The following CFAP70 variants were observed in gnomAD, a reference collection of about 807,000 sequenced individuals.
CFAP70 encodes the protein cilia- and flagella-associated protein 70.
In CFAP70, 81 loss-of-function variants were observed where a neutral mutation model predicts 137.6. The observed-to-expected ratio is 0.59, with a 90% CI of 0.49 to 0.71. CFAP70 has a LOEUF of 0.71. Among genes scored for constraint, CFAP70 ranks in the 30% least tolerant of loss-of-function variants. CFAP70 has a pLI of 0.00. For missense variants in CFAP70, 976 were observed against 1,226.7 expected, an observed-to-expected ratio of 0.80 and a Z score of 3.05; for synonymous variants, 382 against 423.6, an observed-to-expected ratio of 0.90 and a Z score of 1.20.
At chr10:73,343,212 A>G (rs1224526013) in intron 5 of CFAP70, among the ~76,000 whole-genome samples, 1 of 149,538 alleles carries the variant, frequency 6.7e-6, no homozygotes, top group Non-Finnish European at 1.5e-5. Flanking sequence ...TCCGTCTCAA[A>G]AAAAAAAAAA....
At position 73,322,971 on chromosome 10, in the gene CFAP70, G is replaced by A. The variant is rs140368528; in HGVS notation, c.904C>T (p.His302Tyr). 132 of 1,600,272 alleles carry A rather than the reference G, an allele frequency of 8.2e-5. No homozygotes were observed. The highest frequency in any genetic ancestry group is 3.3e-4 in the Middle Eastern group (2 of 5,976). The change falls in exon 9 of 27, where the codon CAT becomes TAT. Residue 302 changes from histidine to tyrosine, a missense_variant. His to Tyr is a moderately conservative substitution (Grantham distance 83). Coordinates refer to ENST00000310715, the Ensembl canonical transcript of CFAP70. ...ATGCAATTTTTTCTTACCTTTTCAT[G>A]GACTACACTGTCTAGGTAAGGGTAA...
At chr10:73,337,353 G>A (rs989750183) in intron 6 of CFAP70, among the ~76,000 whole-genome samples, 6 of 152,038 alleles carry the variant, frequency 3.9e-5, no homozygotes, top group African/African-American at 7.2e-5. Flanking sequence ...GCATGGTGGC[G>A]TGTGCCTGTA....
chr10:73,359,089 A>G (rs1412824466), upstream of CFAP70, among the ~76,000 whole-genome samples: 1 of 152,230 alleles, frequency 6.6e-6, no homozygotes, highest in Non-Finnish European at 1.5e-5. Flanking sequence ...CATCATTTAA[A>G]TATTTCTCCG....
At chr10:73,309,782 G>A (rs549357354) in intron 12 of CFAP70, among the ~76,000 whole-genome samples, 3 of 151,596 alleles carry the variant, frequency 2.0e-5, no homozygotes, top group Non-Finnish European at 2.9e-5. Context: ...TCAGCCTCCC[G>A]AGTAGCTGAG....
rs151164740 is a variant in CFAP70 at position 73,258,158 on chromosome 10, C to T, written c.3028-1742G>A. On this transcript the variant is annotated intron_variant, in intron 25 of 26. Coordinates refer to ENST00000310715, the Ensembl canonical transcript of CFAP70. ...ACTTAAAAGTGGTTATGCCAATTTA[C>T]ATCCAATTACAATTATGAGAGTCTT... 4.1e-3 allele frequency among the ~76,000 whole-genome samples: 622 copies of T among 152,312 alleles called. 4 individuals are homozygous for T. The highest frequency in any genetic ancestry group is 5.7e-3 in the Non-Finnish European group (391 of 68,036).
intron 23 of CFAP70, among the ~76,000 whole-genome samples, chr10:73,273,732 A>G (rs753516825): frequency 6.6e-6 from 1 of 152,224 alleles, no homozygotes; most frequent in Non-Finnish European, 1.5e-5. Flanking sequence ...ATCATACAGC[A>G]TCGTAATTTC....
At chr10:73,330,992 T>G (rs931689940) in intron 8 of CFAP70, among the ~76,000 whole-genome samples, 185 bp downstream of exon 9, 1 of 152,156 alleles carries the variant, frequency 6.6e-6, no homozygotes, top group Non-Finnish European at 1.5e-5. Flanking sequence ...GACAGAGGAT[T>G]TTCCTGGGAC....
Position 73,275,277 on chromosome 10 carries a change from C to G in CFAP70, c.2673+169G>C. ...TACAGTTGTGAGCCACCGCGCCCAG[C>G]CAACTCATGATTACTTAAGAAAAGC... On this transcript the variant is annotated intron_variant, in intron 22 of 26. Transcript: ENST00000310715. This position sits in a 1 kb window ranked among gnomAD's most constrained non-coding sequence, Gnocchi z 4.0. 1.6e-6 allele frequency: 1 copy of G among 628,980 alleles called. No individual in the cohort carries two copies. The allele number at this position is 628,980 out of a possible 1,614,324, so 39.0% of individuals were successfully genotyped here. A position where few individuals can be genotyped will look rare whatever the true frequency, so the allele number is the denominator to read the frequency against.
At chr10:73,353,332 G>A (rs1033478927) in intron 3 of CFAP70, among the ~76,000 whole-genome samples, 2 of 152,162 alleles carry the variant, frequency 1.3e-5, no homozygotes, top group Admixed American at 6.5e-5. Context: ...TTGGAGTACT[G>A]CCTTCTCCCT....
intron 19 of CFAP70, among the ~76,000 whole-genome samples, chr10:73,283,251 G>A (rs2047396049): frequency 6.6e-6 from 1 of 152,124 alleles, no homozygotes; most frequent in Non-Finnish European, 1.5e-5. Context: ...CAGTTTTATT[G>A]CCTAGGATAT....
At chr10:73,340,693 G>C (rs1010069135) in intron 6 of CFAP70, among the ~76,000 whole-genome samples, 27 of 152,340 alleles carry the variant, frequency 1.8e-4, no homozygotes, top group Middle Eastern at 3.4e-3. Flanking sequence ...GGGGGATCAA[G>C]GTGGCAGGGG....
upstream of CFAP70, chr10:73,358,896 C>G (rs2054887312): frequency 6.6e-6 from 1 of 152,268 alleles, no homozygotes; most frequent in Non-Finnish European, 1.5e-5. Context: ...GCAGCCTCCT[C>G]ACTTCGAGAG....
At chr10:73,324,142 C>T (rs2132228083) in intron 8 of CFAP70, among the ~76,000 whole-genome samples, 1 of 152,298 alleles carries the variant, frequency 6.6e-6, no homozygotes, top group Middle Eastern at 3.4e-3. Context: ...ACAAAACTTC[C>T]AGAGGAACGA....
chr10:73,279,474 A>C (rs759371393), intron 19 of CFAP70, among the ~76,000 whole-genome samples: 2 of 151,720 alleles, frequency 1.3e-5, no homozygotes, highest in Non-Finnish European at 2.9e-5. Context: ...CAGTGAGCCC[A>C]GATGGTGCCA....
intron 8 of CFAP70, among the ~76,000 whole-genome samples, chr10:73,324,530 A>C (rs1371192900): frequency 1.3e-5 from 2 of 152,208 alleles, no homozygotes; most frequent in Non-Finnish European, 2.9e-5. Flanking sequence ...AGACGATCAA[A>C]CTACTCCGAG....
chr10:73,322,895 A>T (rs549690001), intron 9 of CFAP70, 68 bp downstream of exon 10: 1 of 1,389,468 alleles, frequency 7.2e-7, no homozygotes, highest in Non-Finnish European at 9.7e-7. Context: ...TGTATATGCT[A>T]AAGATGTAAG....
At chr10:73,270,245 G>A (rs1361442716) in intron 24 of CFAP70, among the ~76,000 whole-genome samples, 4 of 152,076 alleles carry the variant, frequency 2.6e-5, no homozygotes, top group Non-Finnish European at 4.4e-5. Flanking sequence ...AATCAATGCA[G>A]TATTCAGAAA....
At chr10:73,312,036 T>C (rs1251585774) in intron 10 of CFAP70, 122 bp from the exon 12 acceptor site, 6 of 762,594 alleles carry the variant, frequency 7.9e-6, no homozygotes, top group Non-Finnish European at 1.3e-5. Flanking sequence ...AAGAATGAGT[T>C]TGTGTCCTTT....
At chr10:73,298,330 T>A (rs1052522401) in intron 14 of CFAP70, among the ~76,000 whole-genome samples, 1 of 152,228 alleles carries the variant, frequency 6.6e-6, no homozygotes, top group African/African-American at 2.4e-5. Flanking sequence ...CCATTATTAT[T>A]CAAGAAATGA....
Sources: gnomAD v4.1 joint callset for allele counts (sites outside exome capture counted in the v4.1 genomes callset) on GRCh38, gnomAD v4.1.1 for gene constraint, Gnocchi (gnomAD v3.1) non-coding constraint, MANE v1.5 for transcripts, NCBI Gene and HGNC (gene_info 2026-07-23, HGNC 2026-07-21) for gene names.